The following PIP4K2A variants were observed in gnomAD, a reference collection of about 807,000 sequenced individuals.
The protein encoded by PIP4K2A is phosphatidylinositol 5-phosphate 4-kinase type-2 alpha.
A neutral mutation model predicts 42.9 loss-of-function variants in PIP4K2A; 14 were observed. The ratio of observed to expected loss-of-function variants is 0.33; its 90% CI spans 0.22 to 0.51. The LOEUF is 0.51. PIP4K2A is among the 20% of genes least tolerant of loss of function. PIP4K2A has a pLI of 0.97. For missense variants in PIP4K2A, 434 were observed against 519.8 expected (o/e 0.83, Z 1.61); for synonymous variants, 192 against 192.2 (o/e 1.00, Z 0.01).
intron 1 of PIP4K2A, among the ~76,000 whole-genome samples, chr10:22,610,247 T>C (rs1011997677): frequency 6.6e-6 from 1 of 152,160 alleles, no homozygotes; most frequent in African/African-American, 2.4e-5. Context: ...AGAACCTCCA[T>C]TCAGGGAAGG....
intron 1 of PIP4K2A, among the ~76,000 whole-genome samples, chr10:22,654,634 G>T (rs1251479297): frequency 1.3e-5 from 2 of 152,106 alleles, no homozygotes; most frequent in Non-Finnish European, 2.9e-5. Context: ...GTAGTCAAGT[G>T]TGCATTCCCA....
rs572713704 is a variant in PIP4K2A at position 22,645,985 on chromosome 10, G to A, written c.145-36268C>T. 1.6e-4 allele frequency among the ~76,000 whole-genome samples: 24 copies of A among 152,308 alleles called. No individual in the cohort carries two copies. The South Asian group carries it at 5.0e-3, about 32-fold the overall frequency. On this transcript the variant is annotated intron_variant, in intron 1 of 9. Transcript: ENST00000376573. The stretch of plus-strand genomic sequence containing the variant: ...GATCCACCGATCTTGGCGTCCCAAA[G>A]TGCTGGGATTATAGGTGTGCGCCAC...
intron 3 of PIP4K2A, among the ~76,000 whole-genome samples, chr10:22,599,870 G>T (rs1837714550): frequency 6.6e-6 from 1 of 152,162 alleles, no homozygotes; most frequent in African/African-American, 2.4e-5. Flanking sequence ...AGCTCCCTCT[G>T]TAATGCCTTT....
At chr10:22,670,696 A>G (rs980064004) in intron 1 of PIP4K2A, among the ~76,000 whole-genome samples, 2 of 152,210 alleles carry the variant, frequency 1.3e-5, no homozygotes, top group African/African-American at 2.4e-5. Flanking sequence ...TAGTATTCAA[A>G]AACAGTTCAC....
At chr10:22,641,744 GC>G (rs1162238765) in intron 1 of PIP4K2A, among the ~76,000 whole-genome samples, 3 of 152,046 alleles carry the variant, frequency 2.0e-5, no homozygotes, top group South Asian at 4.2e-4. Flanking sequence ...GCTGCCATGA[GC>G]CCCCCATGCC....
intron 9 of PIP4K2A, among the ~76,000 whole-genome samples, chr10:22,538,760 G>A (rs1453188076): frequency 6.6e-6 from 1 of 151,796 alleles, no homozygotes; most frequent in Non-Finnish European, 1.5e-5. Flanking sequence ...ATTTCTGTTG[G>A]GGGGAAGCCA....
At chr10:22,658,679 A>G (rs1335409541) in intron 1 of PIP4K2A, among the ~76,000 whole-genome samples, 1 of 152,244 alleles carries the variant, frequency 6.6e-6, no homozygotes, top group African/African-American at 2.4e-5. Context: ...GCTGCGCAGC[A>G]AAAGATCCCA....
At chr10:22,594,696 A>C (rs2130826278) in intron 3 of PIP4K2A, among the ~76,000 whole-genome samples, 1 of 152,274 alleles carries the variant, frequency 6.6e-6, no homozygotes, top group African/African-American at 2.4e-5. Context: ...CACCATGCCC[A>C]GCGCAACATA....
chr10:22,554,056 G>A (rs144418200), intron 6 of PIP4K2A, among the ~76,000 whole-genome samples: 235 of 152,032 alleles, frequency 1.5e-3, no homozygotes, highest in African/African-American at 5.4e-3. Context: ...TAGGAGGATC[G>A]CTTGAGCCCG....
intron 1 of PIP4K2A, among the ~76,000 whole-genome samples, chr10:22,676,159 G>C (rs1156700726): frequency 2.6e-5 from 4 of 152,216 alleles, no homozygotes; most frequent in South Asian, 2.1e-4. Flanking sequence ...ATTGACAGCA[G>C]AGGCTCAAAA....
In PIP4K2A at chr10:22,660,751, A is replaced by G. The variant is rs12243216; in HGVS notation, c.145-51034T>C. Among the ~76,000 whole-genome samples, 886 of 152,198 alleles carry G rather than the reference A, an allele frequency of 5.8e-3. 5 individuals carry two copies. The highest frequency in any genetic ancestry group is 0.02 in the African/African-American group (837 of 41,518). Reference sequence around the variant, plus strand: ...ATAATCTGTACAGCCTCCTAACTCTATGACATCAATAAATAATCAATACAC... The same window carrying G: ...ATAATCTGTACAGCCTCCTAACTCTGTGACATCAATAAATAATCAATACAC... On this transcript the variant is annotated intron_variant, in intron 1 of 9. Transcript: ENST00000376573.
intron 1 of PIP4K2A, among the ~76,000 whole-genome samples, chr10:22,616,421 G>A (rs1306139493): frequency 6.6e-6 from 1 of 152,126 alleles, no homozygotes; most frequent in Admixed American, 6.5e-5. Flanking sequence ...CCATTACACA[G>A]ATAAGGAAAT....
At chr10:22,569,819 A>G (rs1836940783) in intron 5 of PIP4K2A, among the ~76,000 whole-genome samples, 1 of 152,006 alleles carries the variant, frequency 6.6e-6, no homozygotes, top group African/African-American at 2.4e-5. Flanking sequence ...TTAATTCACA[A>G]TAAAAAATTA....
chr10:22,561,484 A>G (rs1032671369), intron 6 of PIP4K2A, among the ~76,000 whole-genome samples: 5 of 152,128 alleles, frequency 3.3e-5, no homozygotes, highest in African/African-American at 7.2e-5. Flanking sequence ...AGAAGTTATA[A>G]TGACTCATAT....
chr10:22,655,165 A>G (rs371528404), intron 1 of PIP4K2A, among the ~76,000 whole-genome samples: 2 of 152,222 alleles, frequency 1.3e-5, no homozygotes, highest in African/African-American at 2.4e-5. Flanking sequence ...AGGTAAATTG[A>G]TAGAAGCCCT....
intron 5 of PIP4K2A, among the ~76,000 whole-genome samples, chr10:22,569,280 C>T (rs987689438): frequency 6.6e-6 from 1 of 152,208 alleles, no homozygotes; most frequent in African/African-American, 2.4e-5. Flanking sequence ...GACGCTGCTG[C>T]TGGCCCAGGG....
intron 1 of PIP4K2A, among the ~76,000 whole-genome samples, chr10:22,696,732 T>G (rs1205987742): frequency 6.6e-6 from 1 of 152,182 alleles, no homozygotes; most frequent in Non-Finnish European, 1.5e-5. Flanking sequence ...TCTGTTTTTG[T>G]GTCAAACATT....
chr10:22,570,181 G>GC (rs1299033053), intron 5 of PIP4K2A, among the ~76,000 whole-genome samples: 2 of 152,082 alleles, frequency 1.3e-5, no homozygotes, highest in African/African-American at 4.8e-5. Context: ...ACTCCCATAT[G>GC]CCATGCCTCA....
At chr10:22,625,360 T>C (rs1434170796) in intron 1 of PIP4K2A, among the ~76,000 whole-genome samples, 2 of 152,206 alleles carry the variant, frequency 1.3e-5, no homozygotes, top group East Asian at 1.9e-4. Flanking sequence ...TTACTGAAAA[T>C]ACTTAATCTT....
Sources: allele counts gnomAD v4.1 joint callset (sites outside exome capture counted in the v4.1 genomes callset), GRCh38; gene constraint gnomAD v4.1.1; transcripts MANE v1.5; gene names NCBI Gene and HGNC (gene_info 2026-07-23, HGNC 2026-07-21).